CNTNAP2: variants seen among roughly 807,000 people sequenced by gnomAD.
CNTNAP2 encodes the protein contactin-associated protein-like 2.
CNTNAP2 carries 98 observed loss-of-function variants against 155.2 expected under a neutral mutation model. The ratio of observed to expected loss-of-function variants is 0.63; its 90% CI spans 0.54 to 0.75. The LOEUF is 0.75. CNTNAP2 is among the 30% of genes least tolerant of loss of function. The pLI is 0.00. For missense variants in CNTNAP2, 1,727 were observed against 1,688.1 expected (o/e 1.02, Z -0.40); for synonymous variants, 651 against 631.2 (o/e 1.03, Z -0.47).
chr7:146,595,610 A>G (rs1255768516), intron 1 of CNTNAP2, among the ~76,000 whole-genome samples: 1 of 152,056 alleles, frequency 6.6e-6, no homozygotes, highest in Non-Finnish European at 1.5e-5. Flanking sequence ...ATACTCATTA[A>G]GCTGCAAAAT....
chr7:146,769,572 TTCCCTCTTTC>T (rs1398311861), intron 1 of CNTNAP2, among the ~76,000 whole-genome samples: 8 of 152,174 alleles, frequency 5.3e-5, no homozygotes, highest in African/African-American at 1.9e-4. Flanking sequence ...GCTTGAGGTG[TTCCCTCTTTC>T]TAAAATTTCC....
intron 8 of CNTNAP2, among the ~76,000 whole-genome samples, chr7:147,269,184 T>C (rs1343501451): frequency 2.0e-5 from 3 of 152,204 alleles, no homozygotes; most frequent in Non-Finnish European, 4.4e-5. Context: ...TGAGGATTGA[T>C]AAAGACTTAT....
chr7:146,531,716 T>C (rs1410427350), intron 1 of CNTNAP2, among the ~76,000 whole-genome samples: 3 of 152,108 alleles, frequency 2.0e-5, no homozygotes, highest in Admixed American at 6.5e-5. Context: ...AGCTAATTTT[T>C]GTATTTTTAG....
chr7:148,299,282 A>G (rs1316957124), intron 21 of CNTNAP2, among the ~76,000 whole-genome samples: 6 of 152,106 alleles, frequency 3.9e-5, no homozygotes, highest in Non-Finnish European at 8.8e-5. Flanking sequence ...GAGCCACCAC[A>G]CCCGGCCCCA....
chr7:146,659,171 TAAAGA>T (rs1222739154), intron 1 of CNTNAP2, among the ~76,000 whole-genome samples: 2 of 152,148 alleles, frequency 1.3e-5, no homozygotes, highest in Non-Finnish European at 2.9e-5. Flanking sequence ...TCTCAGTGAT[TAAAGA>T]AAAGGGCGCA....
intron 4 of CNTNAP2, among the ~76,000 whole-genome samples, chr7:147,047,546 G>T (rs1046985358): frequency 2.0e-5 from 3 of 151,764 alleles, no homozygotes; most frequent in Non-Finnish European, 4.4e-5. Flanking sequence ...GTTTTTGCAG[G>T]CAACTCTTCT....
At chr7:146,801,295 C>A (rs1585096793) in intron 2 of CNTNAP2, among the ~76,000 whole-genome samples, 1 of 152,116 alleles carries the variant, frequency 6.6e-6, no homozygotes, top group Admixed American at 6.5e-5. Context: ...AGGGATCCAC[C>A]CCCATGATCC....
intron 16 of CNTNAP2, among the ~76,000 whole-genome samples, chr7:148,119,380 A>AAT (rs1804549930): frequency 6.6e-6 from 1 of 151,268 alleles, no homozygotes; most frequent in African/African-American, 2.4e-5. Flanking sequence ...AAAAAAAAAA[A>AAT]TTAGCCAGGT....
chr7:147,629,941 T>A (rs1383677018), intron 12 of CNTNAP2, among the ~76,000 whole-genome samples: 1 of 150,410 alleles, frequency 6.6e-6, no homozygotes. Flanking sequence ...ACAAACAATA[T>A]GCAAACCCAG....
chr7:146,239,533 A>G (rs1047199773), intron 1 of CNTNAP2, among the ~76,000 whole-genome samples: 5 of 152,202 alleles, frequency 3.3e-5, no homozygotes, highest in Admixed American at 3.3e-4. Context: ...GTGCTGATGT[A>G]TAGACACTGT....
intron 10 of CNTNAP2, among the ~76,000 whole-genome samples, chr7:147,403,450 T>C (rs1383573230): frequency 6.6e-6 from 1 of 152,200 alleles, no homozygotes; most frequent in East Asian, 1.9e-4. Flanking sequence ...TTCTCTCAGA[T>C]TCTTTTTTGG....
chr7:148,007,642 G>A (rs1275914951), intron 15 of CNTNAP2, among the ~76,000 whole-genome samples: 1 of 152,144 alleles, frequency 6.6e-6, no homozygotes, highest in Non-Finnish European at 1.5e-5. Flanking sequence ...GTGCTGTATG[G>A]TTTATTACAC....
intron 13 of CNTNAP2, among the ~76,000 whole-genome samples, chr7:147,894,515 G>C (rs904710415): frequency 6.6e-6 from 1 of 152,128 alleles, no homozygotes. Flanking sequence ...AAGGGTACCT[G>C]TTCTATTTCC....
At chr7:146,366,927 C>G (rs1264196672) in intron 1 of CNTNAP2, among the ~76,000 whole-genome samples, 1 of 152,042 alleles carries the variant, frequency 6.6e-6, no homozygotes, top group African/African-American at 2.4e-5. Context: ...TTTGTCAGGT[C>G]AAATTATGAA....
intron 4 of CNTNAP2, among the ~76,000 whole-genome samples, chr7:147,080,454 A>G (rs1800100184): frequency 6.6e-6 from 1 of 151,972 alleles, no homozygotes. Flanking sequence ...TTAATAATTA[A>G]TAATTAACTA....
At chr7:147,866,970 T>C (rs368707727) in intron 13 of CNTNAP2, among the ~76,000 whole-genome samples, 65 of 152,346 alleles carry the variant, frequency 4.3e-4, no homozygotes, top group Middle Eastern at 3.4e-3. Context: ...TATTGTTATG[T>C]GTGAATTTGA....
At chr7:148,176,209 C>G (rs1794931595) in intron 18 of CNTNAP2, among the ~76,000 whole-genome samples, 2 of 123,244 alleles carry the variant, frequency 1.6e-5, no homozygotes, top group South Asian at 5.5e-4. Context: ...TTCTTTCTTT[C>G]TCTTTTTTTT....
chr7:148,189,040 G>T (rs1032438257), intron 18 of CNTNAP2, among the ~76,000 whole-genome samples: 4 of 152,206 alleles, frequency 2.6e-5, no homozygotes, highest in Non-Finnish European at 5.9e-5. Flanking sequence ...TGGATTGCCA[G>T]ATATGGAGAG....
chr7:146,618,453 C>A (rs1165122450), intron 1 of CNTNAP2, among the ~76,000 whole-genome samples: 1 of 152,114 alleles, frequency 6.6e-6, no homozygotes, highest in East Asian at 1.9e-4. Context: ...TACAACCTAT[C>A]TGTATTACAC....
Sources: allele counts gnomAD v4.1 joint callset (sites outside exome capture counted in the v4.1 genomes callset), GRCh38; gene constraint gnomAD v4.1.1; transcripts MANE v1.5; gene names NCBI Gene and HGNC (gene_info 2026-07-23, HGNC 2026-07-21).